XXYLT1: variants seen among roughly 807,000 people sequenced by gnomAD.
XXYLT1 encodes xyloside xylosyltransferase 1, also known as UDP-xylose:alpha-xyloside alpha-1,3-xylosyltransferase.
A neutral mutation model predicts 28.9 loss-of-function variants in XXYLT1; 20 were observed. That is an observed-to-expected ratio of 0.69 (90% CI 0.49 to 1.00). The LOEUF is 1.00. Among genes scored for constraint, XXYLT1 ranks in the 50% least tolerant of loss-of-function variants. XXYLT1 has a pLI of 0.00. For missense variants in XXYLT1, 542 were observed against 560.1 expected (o/e 0.97, Z 0.33); for synonymous variants, 257 against 253.8 (o/e 1.01, Z -0.12).
rs746034978 is a variant in XXYLT1 at position 195,176,771 on chromosome 3, A to G, written c.653-20190T>C. ...TTTGGGGTTGGAATTGACAATATGA[A>G]AAGCTCAGTAAGAAGACGCAAAAGT... On this transcript the variant is annotated intron_variant, in intron 2 of 3. Transcript: ENST00000310380. The surrounding 1 kb of genome is among the most constrained non-coding windows in gnomAD (Gnocchi z 4.9). 8.5e-5 allele frequency among the ~76,000 whole-genome samples: 13 copies of G among 152,180 alleles called. No homozygotes were observed. The highest frequency in any genetic ancestry group is 1.6e-4 in the Non-Finnish European group (11 of 68,018).
rs1273624869 is a variant in XXYLT1 at position 195,143,793 on chromosome 3, TATATATAG to T, written c.785+12648_785+12655del. On this transcript the variant is annotated intron_variant, in intron 3 of 3. Transcript: ENST00000310380. ...ACCAAATGTTCTCTCATTATATATATATATATAGATAGATATATATAGATATAGATATA... is the reference window on the plus strand; with the variant it reads ...ACCAAATGTTCTCTCATTATATATATATAGATATATATAGATATAGATATA... 3.4e-4 allele frequency among the ~76,000 whole-genome samples: 39 copies of T among 115,434 alleles called. 2 individuals carry two copies. The highest frequency in any genetic ancestry group is 1.3e-3 in the African/African-American group (37 of 28,658). The allele number at this position is 115,434 out of a possible 152,430, so 75.7% of individuals were successfully genotyped here.
At chr3:195,188,887 A>T (rs1722309427) in intron 2 of XXYLT1, among the ~76,000 whole-genome samples, 1 of 152,266 alleles carries the variant, frequency 6.6e-6, no homozygotes, top group South Asian at 2.1e-4. Context: ...CAGGAGGTGC[A>T]GCCTCATACA....
intron 1 of XXYLT1, among the ~76,000 whole-genome samples, chr3:195,265,219 A>C (rs1181342342): frequency 6.6e-6 from 1 of 152,036 alleles, no homozygotes; most frequent in Non-Finnish European, 1.5e-5. Flanking sequence ...AAAATACAAA[A>C]ATTATGTGGG....
At chr3:195,247,114 C>T (rs536373976) in intron 1 of XXYLT1, among the ~76,000 whole-genome samples, 2 of 152,216 alleles carry the variant, frequency 1.3e-5, no homozygotes, top group Non-Finnish European at 2.9e-5. Context: ...ATTTTCCGGA[C>T]AGTAGAAGCC....
At position 195,156,473 on chromosome 3, in the gene XXYLT1, G is replaced by A; in HGVS notation, c.761C>T (p.Ala254Val). The change falls in exon 3 of 4, where the codon GCC becomes GTC. Residue 254 changes from alanine to valine, a missense_variant. By Grantham distance (64) the Ala-to-Val change is moderately conservative (BLOSUM62 0). Transcript: ENST00000310380. The part of the protein sequence containing the change: ...SFLPGAIIGI[A>V]REMQPVYRHT... Reference sequence around the variant, plus strand: ...CCTGTAAACTGGCTGCATCTCCCGGGCTATGCCGATGATGGCGCCTGGCAG... The same window carrying A: ...CCTGTAAACTGGCTGCATCTCCCGGACTATGCCGATGATGGCGCCTGGCAG... The A allele has an allele frequency of 6.2e-7, 1 of 1,614,152 alleles. No homozygotes were observed. The highest frequency in any genetic ancestry group is 1.1e-5 in the South Asian group (1 of 91,088).
In XXYLT1 at chr3:195,142,475, T is replaced by A. The variant is rs556107645; in HGVS notation, c.785+13974A>T. On this transcript the variant is annotated intron_variant, in intron 3 of 3. Coordinates refer to ENST00000310380, the MANE Select transcript of XXYLT1 (RefSeq NM_152531.5). Reference sequence around the variant, plus strand: ...TAGCTGGCAAAGACACCAAAATGTATCCTATGAGAACCGTAAGCCTGCTGT... The same window carrying A: ...TAGCTGGCAAAGACACCAAAATGTAACCTATGAGAACCGTAAGCCTGCTGT... Among the ~76,000 whole-genome samples, 367 of 152,330 alleles carry A rather than the reference T, an allele frequency of 2.4e-3. 1 individual carries two copies. Among genetic ancestry groups the A allele is most frequent in the Non-Finnish European group, 4.1e-3 (280 of 68,032 alleles).
At position 195,077,100 on chromosome 3, in the gene XXYLT1, C is replaced by T. The variant is rs917966811; in HGVS notation, c.786-6989G>A. On this transcript the variant is annotated intron_variant, in intron 3 of 3. Transcript: ENST00000310380. The surrounding 1 kb of genome is among the most constrained non-coding windows in gnomAD (Gnocchi z 4.8). ...GACACCTGTGGGGCCCAGAACTGCC[C>T]TCAGCAAAACCCCAGCCCCTGCTGC... Among the ~76,000 whole-genome samples, 2 of 152,166 alleles carry T rather than the reference C, an allele frequency of 1.3e-5. No individual in the cohort carries two copies. Among genetic ancestry groups the T allele is most frequent in the Non-Finnish European group, 2.9e-5 (2 of 68,034 alleles).
chr3:195,255,618 C>T lies in XXYLT1; in HGVS notation c.504+14937G>A, dbSNP rs1000685584. Among the ~76,000 whole-genome samples the T allele has an allele frequency of 6.6e-6, 1 of 152,228 alleles. No individual in the cohort carries two copies. The highest frequency in any genetic ancestry group is 2.4e-5 in the African/African-American group (1 of 41,464). On this transcript the variant is annotated intron_variant, in intron 1 of 3. Coordinates refer to ENST00000310380, the MANE Select transcript of XXYLT1 (RefSeq NM_152531.5). The surrounding 1 kb of genome is among the most constrained non-coding windows in gnomAD (Gnocchi z 4.5). ...CCAAAACAGAAGACAAACCGGCGCA[C>T]AGAGCAAGCACAGCGTAGAACTGGC... is the stretch of plus-strand genomic sequence containing the variant.
At position 195,088,343 on chromosome 3, in the gene XXYLT1, C is replaced by T. The variant is rs533359498; in HGVS notation, c.786-18232G>A. On this transcript the variant is annotated intron_variant, in intron 3 of 3. Coordinates refer to ENST00000310380, the MANE Select transcript of XXYLT1 (RefSeq NM_152531.5). ...CAGCACGCAGCTGGAGATCTGAGAA[C>T]GGGCAGACTGCCTCCTCAAGTGGGT... is the stretch of plus-strand genomic sequence containing the variant. Among the ~76,000 whole-genome samples, 1,227 of 148,348 alleles carry T rather than the reference C, an allele frequency of 8.3e-3. 10 individuals are homozygous for T. The highest frequency in any genetic ancestry group is 0.014 in the Non-Finnish European group (912 of 66,342).
At chr3:195,123,927 A>G (rs1718490949) in intron 3 of XXYLT1, among the ~76,000 whole-genome samples, 1 of 152,224 alleles carries the variant, frequency 6.6e-6, no homozygotes, top group Admixed American at 6.5e-5. Flanking sequence ...CTAATGCCTC[A>G]GGAAAACAGG....
In XXYLT1 at chr3:195,259,671, C is replaced by T. The variant is rs74821397; in HGVS notation, c.504+10884G>A. The T allele has an allele frequency of 1.6e-4, 162 of 985,462 alleles. No homozygotes were observed. In the East Asian group the frequency reaches 5.0e-3, roughly 30 times the overall value. The allele number at this position is 985,462 out of a possible 1,614,324, so 61.0% of individuals were successfully genotyped here. A position where few individuals can be genotyped will look rare whatever the true frequency, so the allele number is the denominator to read the frequency against. On this transcript the variant is annotated intron_variant, in intron 1 of 3. Transcript: ENST00000310380. ...GAGTCCCTCCCGCAATTAAGGACGC[C>T]GGGCTCCAGGCCAGCGCCAGGGACA...
At position 195,195,022 on chromosome 3, in the gene XXYLT1, T is replaced by C. The variant is rs114340108; in HGVS notation, c.652+31687A>G. On this transcript the variant is annotated intron_variant, in intron 2 of 3. Coordinates refer to ENST00000310380, the MANE Select transcript of XXYLT1 (RefSeq NM_152531.5). The surrounding 1 kb of genome is among the most constrained non-coding windows in gnomAD (Gnocchi z 4.4). The stretch of plus-strand genomic sequence containing the variant: ...CTATAAATTTACTAAAACCACAGAA[T>C]TGTGCATTTGCAATGGATGAATGTG... Among the ~76,000 whole-genome samples, 3,929 of 152,180 alleles carry C rather than the reference T, an allele frequency of 0.026. 188 individuals carry two copies. The highest frequency in any genetic ancestry group is 0.089 in the African/African-American group (3,682 of 41,498).
chr3:195,271,027 G>C lies in XXYLT1; in HGVS notation c.32C>G (p.Ala11Gly). 2.1e-6 allele frequency: 3 copies of C among 1,461,240 alleles called. No individual in the cohort carries two copies. The highest frequency in any genetic ancestry group is 2.7e-6 in the Non-Finnish European group (3 of 1,111,684). The allele number at this position is 1,461,240 out of a possible 1,614,324, so 90.5% of individuals were successfully genotyped here. A position where few individuals can be genotyped will look rare whatever the true frequency, so the allele number is the denominator to read the frequency against. The change falls in exon 1 of 4, where the codon GCT becomes GGT. Residue 11 changes from alanine to glycine, a missense_variant. Ala to Gly is a moderately conservative substitution (Grantham distance 60, BLOSUM62 0). Coordinates refer to ENST00000310380, the MANE Select transcript of XXYLT1 (RefSeq NM_152531.5). ...AGCGCCCAGGCGCGCCATGGCCCGA[G>C]CGCATGGGAGCCCGCCTCGGAGGAG... MGLLRGGLPC[A>G]RAMARLGAVR...
intron 3 of XXYLT1, among the ~76,000 whole-genome samples, chr3:195,120,893 A>G (rs1451885991): frequency 6.6e-6 from 1 of 152,204 alleles, no homozygotes; most frequent in African/African-American, 2.4e-5. Context: ...CCAGACAGTC[A>G]GGGTTCCTAG....
intron 2 of XXYLT1, among the ~76,000 whole-genome samples, chr3:195,169,318 A>C (rs1409574475): frequency 6.6e-6 from 1 of 152,250 alleles, no homozygotes; most frequent in Non-Finnish European, 1.5e-5. Context: ...ACCCAGGCTG[A>C]AACGGCAGGG....
chr3:195,098,665 G>A (rs1262322711), intron 3 of XXYLT1, among the ~76,000 whole-genome samples: 2 of 152,294 alleles, frequency 1.3e-5, no homozygotes, highest in African/African-American at 4.8e-5. Flanking sequence ...ATGCTGTCAA[G>A]GTCTCGGGAG....
chr3:195,213,546 G>A (rs534333238), intron 2 of XXYLT1, among the ~76,000 whole-genome samples: 314 of 152,286 alleles, frequency 2.1e-3, no homozygotes, highest in Non-Finnish European at 3.8e-3. Flanking sequence ...TTACAGGCGT[G>A]AGCCACCACG....
intron 3 of XXYLT1, among the ~76,000 whole-genome samples, chr3:195,088,676 G>GAA (rs1715954052): frequency 7.2e-6 from 1 of 138,324 alleles, no homozygotes; most frequent in Admixed American, 7.5e-5. Context: ...GCTGGATGGA[G>GAA]AATGACTTTG....
chr3:195,138,422 GGA>G (rs1719308146), intron 3 of XXYLT1, among the ~76,000 whole-genome samples: 1 of 152,136 alleles, frequency 6.6e-6, no homozygotes. Flanking sequence ...CCTTGCAGAG[GGA>G]GACACGCATT....
Sources: gnomAD v4.1 joint callset for allele counts (sites outside exome capture counted in the v4.1 genomes callset) on GRCh38, gnomAD v4.1.1 for gene constraint, Gnocchi (gnomAD v3.1) non-coding constraint, MANE v1.5 for transcripts, NCBI Gene and HGNC (gene_info 2026-07-23, HGNC 2026-07-21) for gene names.